The following RAD52 variants were observed in gnomAD, a reference collection of about 807,000 sequenced individuals.
RAD52 encodes the protein RAD52 DNA repair protein.
RAD52 carries 47 observed loss-of-function variants against 55.5 expected under a neutral mutation model. That is an observed-to-expected ratio of 0.85 (90% CI 0.67 to 1.08). The LOEUF is 1.08. RAD52 is among the 50% of genes least tolerant of loss of function. RAD52 has a pLI of 0.00. For missense variants in RAD52, 468 were observed against 522.8 expected (o/e 0.90, Z 1.02); for synonymous variants, 184 against 198.9 (o/e 0.92, Z 0.63).
rs771775146 is a variant in RAD52 at position 930,180 on chromosome 12, T to G, written c.187-36A>C. The G allele has an allele frequency of 3.4e-6, 5 of 1,477,136 alleles. No individual in the cohort carries two copies. The East Asian group carries it at 1.1e-4, about 33-fold the overall frequency. The allele number at this position is 1,477,136 out of a possible 1,614,324, so 91.5% of individuals were successfully genotyped here. On this transcript the variant is annotated intron_variant, in intron 3 of 11. Transcript: ENST00000358495. ...AAATGTTTTTAAGGAAAAGCTGTGTTAATTCCTTACCACACTTAAATGTGA... is the reference window on the plus strand; with the variant it reads ...AAATGTTTTTAAGGAAAAGCTGTGTGAATTCCTTACCACACTTAAATGTGA...
chr12:955,433 A>G (rs1007931912), intron 1 of RAD52, among the ~76,000 whole-genome samples: 23 of 152,016 alleles, frequency 1.5e-4, no homozygotes, highest in African/African-American at 5.3e-4. Context: ...TCTTGCTAAC[A>G]GAACCCTGAT....
intron 1 of RAD52, among the ~76,000 whole-genome samples, chr12:960,428 A>C (rs1031099039): frequency 2.0e-5 from 3 of 152,216 alleles, no homozygotes; most frequent in Non-Finnish European, 4.4e-5. Flanking sequence ...TTACTGAAGT[A>C]GGAAAGACAG....
At chr12:931,161 CA>C in intron 3 of RAD52, 58 bp downstream of exon 3, 1 of 1,406,052 alleles carries the variant, frequency 7.1e-7, no homozygotes, top group Non-Finnish European at 1.0e-6. Flanking sequence ...AGGGAACTGG[CA>C]AGACCATCGG....
intron 1 of RAD52, among the ~76,000 whole-genome samples, chr12:980,253 G>A (rs934741748): frequency 2.0e-5 from 3 of 151,844 alleles, no homozygotes; most frequent in Non-Finnish European, 2.9e-5. Context: ...AAAAAATATC[G>A]GATATGTGAT....
chr12:970,991 T>C (rs1958841889), intron 1 of RAD52, among the ~76,000 whole-genome samples: 1 of 152,180 alleles, frequency 6.6e-6, no homozygotes, highest in South Asian at 2.1e-4. Context: ...TCAAAATGTA[T>C]GTATATAGAA....
At chr12:920,936 T>C (rs1355852388) in intron 7 of RAD52, among the ~76,000 whole-genome samples, 1 of 152,180 alleles carries the variant, frequency 6.6e-6, no homozygotes, top group Non-Finnish European at 1.5e-5. Flanking sequence ...ATTGAAATCA[T>C]ATAAAGTATC....
chr12:974,042 G>A (rs964538564), intron 1 of RAD52: 2 of 152,070 alleles, frequency 1.3e-5, no homozygotes, highest in Non-Finnish European at 2.9e-5. Flanking sequence ...ATGAGAGAGA[G>A]GAAATTAAGG....
intron 1 of RAD52, among the ~76,000 whole-genome samples, chr12:964,965 G>GGCTTCCTTCCTT (rs1555181837): frequency 6.6e-6 from 1 of 151,152 alleles, no homozygotes; most frequent in Non-Finnish European, 1.5e-5. Context: ...CCGCCTGCCT[G>GGCTTCCTTCCTT]CCTTCCTTCC....
rs917241318 is a variant in RAD52 at position 949,649 on chromosome 12, T to C, written c.-66A>G. ...CACACAGGGAGCTCGATCTAGGCTA[T>C]GGACAAGGGGAAGAGATCTTAGATG... On this transcript the variant is annotated 5_prime_UTR_variant, in exon 1 of 12. Coordinates refer to ENST00000358495, the MANE Select transcript of RAD52 (RefSeq NM_134424.4). The C allele has an allele frequency of 1.3e-5, 2 of 151,870 alleles. No homozygotes were observed. The highest frequency in any genetic ancestry group is 2.4e-5 in the African/African-American group (1 of 41,252). 9.4% of individuals were successfully genotyped at this position (151,870 alleles called of 1,614,324 possible).
chr12:989,063 T>G (rs949754055), intron 1 of RAD52, among the ~76,000 whole-genome samples: 1 of 152,138 alleles, frequency 6.6e-6, no homozygotes, highest in African/African-American at 2.4e-5. Context: ...AACCCAAATC[T>G]CCCCAGATTA....
chr12:947,094 A>G (rs557485540), intron 1 of RAD52, among the ~76,000 whole-genome samples: 1 of 152,336 alleles, frequency 6.6e-6, no homozygotes, highest in African/African-American at 2.4e-5. Context: ...TGGGAGGCCA[A>G]GGCGGGAGGA....
intron 1 of RAD52, among the ~76,000 whole-genome samples, chr12:935,267 G>C (rs1466239337): frequency 6.6e-6 from 1 of 151,692 alleles, no homozygotes; most frequent in Non-Finnish European, 1.5e-5. Context: ...GGAGGGAGGA[G>C]ACTTAATAGA....
chr12:941,666 CTT>C (rs1264611118), intron 1 of RAD52, among the ~76,000 whole-genome samples: 3 of 151,552 alleles, frequency 2.0e-5, no homozygotes, highest in Non-Finnish European at 4.4e-5. Flanking sequence ...GAGTTTTGCT[CTT>C]GTTGCCCAGG....
intron 1 of RAD52, among the ~76,000 whole-genome samples, chr12:979,463 T>C (rs190948480): frequency 6.6e-6 from 1 of 151,968 alleles, no homozygotes; most frequent in East Asian, 1.9e-4. Flanking sequence ...AAAAGGTTAA[T>C]TGAGGACGTA....
intron 7 of RAD52, among the ~76,000 whole-genome samples, chr12:922,209 A>AAC (rs1252041133): frequency 8.6e-5 from 13 of 151,300 alleles, no homozygotes; most frequent in African/African-American, 1.5e-4. Context: ...AAAAAAAAAA[A>AAC]AAAACCAAAA....
intron 1 of RAD52, among the ~76,000 whole-genome samples, chr12:979,140 A>G (rs1958975735): frequency 6.6e-6 from 1 of 152,062 alleles, no homozygotes; most frequent in African/African-American, 2.4e-5. Flanking sequence ...TAAAGAGGTA[A>G]GTAAGGTTAA....
At chr12:929,637 T>G (rs1417726680) in intron 5 of RAD52, 182 bp downstream of exon 5, 1 of 783,234 alleles carries the variant, frequency 1.3e-6, no homozygotes, top group Non-Finnish European at 2.3e-6. Context: ...AAGAGAACAG[T>G]TTTTCCATTC....
intron 1 of RAD52, among the ~76,000 whole-genome samples, chr12:988,422 T>C (rs754719099): frequency 2.0e-5 from 3 of 152,168 alleles, no homozygotes; most frequent in Non-Finnish European, 2.9e-5. Flanking sequence ...TAACACTTAG[T>C]TGTCTGTTCA....
Position 914,027 on chromosome 12 carries a change from G to A in RAD52, c.1062C>T (p.Thr354=), listed in dbSNP as rs777119451. ...GGTTGTTCAAGGCTAATGTGTCAGA[G>A]GTCTGGGCTGGGTCTGCTCTAGACG... The part of the protein sequence containing the change: ...KPSSRADPAQ[T]SDTLALNNQM... Residue 354 remains threonine, a synonymous_variant, in exon 11 of 12, where the codon ACC becomes ACT. Coordinates refer to ENST00000358495, the MANE Select transcript of RAD52 (RefSeq NM_134424.4). The A allele has an allele frequency of 1.2e-6, 2 of 1,614,200 alleles. No homozygotes were observed. The highest frequency in any genetic ancestry group is 1.3e-5 in the African/African-American group (1 of 75,038).
Sources: gnomAD v4.1 joint callset for allele counts (sites outside exome capture counted in the v4.1 genomes callset) on GRCh38, gnomAD v4.1.1 for gene constraint, MANE v1.5 for transcripts, NCBI Gene and HGNC (gene_info 2026-07-23, HGNC 2026-07-21) for gene names.